LYN: variants seen among roughly 807,000 people sequenced by gnomAD.
LYN encodes the protein tyrosine-protein kinase Lyn.
Under a neutral mutation model 65.0 loss-of-function variants are expected in LYN, and 12 were observed. The observed-to-expected ratio is 0.18, with a 90% CI of 0.12 to 0.30. The LOEUF (loss-of-function observed/expected upper bound fraction) is 0.30, where lower values mean the gene tolerates loss of function less well. Among genes scored for constraint, LYN ranks in the 10% least tolerant of loss-of-function variants. The pLI is 1.00. For synonymous variants in LYN, 222 were observed against 221.2 expected (o/e 1.00, Z -0.03); for missense variants, 380 against 623.2 (o/e 0.61, Z 4.16).
intron 1 of LYN, among the ~76,000 whole-genome samples, chr8:55,914,889 C>G (rs1344091141): frequency 6.6e-6 from 1 of 152,144 alleles, no homozygotes; most frequent in Non-Finnish European, 1.5e-5. Flanking sequence ...TGATGTGTTT[C>G]AGATGGGATT....
chr8:55,973,761 T>G (rs1807672880), intron 10 of LYN, among the ~76,000 whole-genome samples: 1 of 152,218 alleles, frequency 6.6e-6, no homozygotes, highest in African/African-American at 2.4e-5. Flanking sequence ...ATGGAACAAT[T>G]GTTTGTGAGT....
At chr8:55,972,414 C>T (rs1325467259) in intron 10 of LYN, among the ~76,000 whole-genome samples, 1 of 152,040 alleles carries the variant, frequency 6.6e-6, no homozygotes, top group Non-Finnish European at 1.5e-5. Flanking sequence ...TATTATAATA[C>T]AGATAATTTG....
At chr8:55,989,246 G>A (rs1229581106) in intron 10 of LYN, among the ~76,000 whole-genome samples, 2 of 152,236 alleles carry the variant, frequency 1.3e-5, no homozygotes, top group East Asian at 1.9e-4. Flanking sequence ...AAAGATGAAT[G>A]ACCTGGATGG....
intron 10 of LYN, among the ~76,000 whole-genome samples, chr8:55,982,611 G>A (rs1807958854): frequency 6.6e-6 from 1 of 152,058 alleles, no homozygotes; most frequent in South Asian, 2.1e-4. Flanking sequence ...GTGGTCCTCG[G>A]ATCCCCGAAC....
intron 1 of LYN, among the ~76,000 whole-genome samples, chr8:55,935,395 A>G (rs1183604396): frequency 6.6e-6 from 1 of 152,240 alleles, no homozygotes; most frequent in African/African-American, 2.4e-5. Context: ...TTTGAAAATA[A>G]TGACCATGGT....
rs1808837930 is a variant in LYN, at chr8:56,012,179, C to G, written c.*2069C>G. On this transcript the variant is annotated 3_prime_UTR_variant, in exon 13 of 13. Transcript: ENST00000519728. ...CAGCATGTGTGGAAGTCACACGTTCCCTTGATGAACAGCACACACAGTCTC... is the reference window on the plus strand; with the variant it reads ...CAGCATGTGTGGAAGTCACACGTTCGCTTGATGAACAGCACACACAGTCTC... 5.4e-6 allele frequency: 1 copy of G among 184,060 alleles called. No individual in the cohort carries two copies. Among genetic ancestry groups the G allele is most frequent in the South Asian group, 2.0e-4 (1 of 5,122 alleles). 11.4% of individuals were successfully genotyped at this position (184,060 alleles called of 1,614,324 possible).
At chr8:55,972,141 T>C (rs1417264726) in intron 10 of LYN, among the ~76,000 whole-genome samples, 10 of 152,130 alleles carry the variant, frequency 6.6e-5, no homozygotes, top group Non-Finnish European at 1.5e-4. Context: ...GAACCCATAG[T>C]TCATCTGGCT....
intron 4 of LYN, among the ~76,000 whole-genome samples, chr8:55,949,212 A>C (rs1806869403): frequency 6.6e-6 from 1 of 152,218 alleles, no homozygotes; most frequent in Non-Finnish European, 1.5e-5. Flanking sequence ...TAATGCATGA[A>C]CTGTGGACCA....
chr8:55,978,898 G>T (rs1012545879), intron 10 of LYN, among the ~76,000 whole-genome samples: 1 of 152,022 alleles, frequency 6.6e-6, no homozygotes, highest in African/African-American at 2.4e-5. Context: ...GCCTGCACAG[G>T]CTCCTCCCTA....
intron 8 of LYN, among the ~76,000 whole-genome samples, chr8:55,960,745 C>A (rs537904204): frequency 6.6e-6 from 1 of 152,250 alleles, no homozygotes; most frequent in South Asian, 2.1e-4. Context: ...TTTTGTTAAA[C>A]ATAAGGAATT....
At chr8:55,886,127 A>G (rs1444510605) in intron 1 of LYN, among the ~76,000 whole-genome samples, 1 of 152,202 alleles carries the variant, frequency 6.6e-6, no homozygotes, top group Non-Finnish European at 1.5e-5. Flanking sequence ...GAAATCTTTT[A>G]ATGTTCAGGC....
intron 1 of LYN, among the ~76,000 whole-genome samples, chr8:55,934,119 A>G (rs1029609360): frequency 3.9e-5 from 6 of 152,128 alleles, no homozygotes; most frequent in Non-Finnish European, 8.8e-5. Context: ...CCAGCTACTC[A>G]GGAGGCTGAG....
rs1808773895 is a variant in LYN at position 56,010,120 on chromosome 8, A to C, written c.*10A>C. ...CCAGCAGCAGCCTTAGAGCACAGGG[A>C]GACCCGTCCATTTGGCAGGGGTGGC... On this transcript the variant is annotated 3_prime_UTR_variant, in exon 13 of 13. Transcript: ENST00000519728. The C allele has an allele frequency of 6.2e-7, 1 of 1,613,750 alleles. No homozygotes were observed.
At chr8:55,899,399 C>A (rs1805198818) in intron 1 of LYN, among the ~76,000 whole-genome samples, 1 of 152,162 alleles carries the variant, frequency 6.6e-6, no homozygotes. Context: ...TAAAAAATCA[C>A]AGTTGTAATA....
chr8:55,976,435 C>G (rs751731014), intron 10 of LYN, among the ~76,000 whole-genome samples: 20 of 152,264 alleles, frequency 1.3e-4, no homozygotes, highest in Admixed American at 7.2e-4. Context: ...GTCTCCAGCA[C>G]TTGGCTTGCT....
Position 55,903,083 on chromosome 8 carries a change from G to A in LYN, c.-6+22980G>A, listed in dbSNP as rs113359223. 5.0e-3 allele frequency among the ~76,000 whole-genome samples: 753 copies of A among 151,920 alleles called. 7 individuals carry two copies. Among genetic ancestry groups the A allele is most frequent in the African/African-American group, 0.017 (693 of 41,422 alleles). ...AGGCTGGTCTCGAACTCCTGACTTC[G>A]CGATCCGCCCACTTCAGCCTCCCAC... On this transcript the variant is annotated intron_variant, in intron 1 of 12. Coordinates refer to ENST00000519728, the MANE Select transcript of LYN (RefSeq NM_002350.4).
intron 1 of LYN, among the ~76,000 whole-genome samples, chr8:55,909,970 T>C (rs374742725): frequency 4.8e-4 from 56 of 116,310 alleles, no homozygotes; most frequent in Middle Eastern, 3.7e-3. Flanking sequence ...TTAATGGGGT[T>C]GTTTGTGTGT....
chr8:55,929,955 A>C (rs1230593243), intron 1 of LYN, among the ~76,000 whole-genome samples: 1 of 152,222 alleles, frequency 6.6e-6, no homozygotes, highest in East Asian at 1.9e-4. Flanking sequence ...GGTGAACAGC[A>C]GTTGAGCAAG....
At chr8:55,929,224 C>T (rs1806193085) in intron 1 of LYN, among the ~76,000 whole-genome samples, 1 of 152,250 alleles carries the variant, frequency 6.6e-6, no homozygotes, top group South Asian at 2.1e-4. Context: ...TCTTAGTTTC[C>T]TCATGAGAAG....
Sources: allele counts gnomAD v4.1 joint callset (sites outside exome capture counted in the v4.1 genomes callset), GRCh38; gene constraint gnomAD v4.1.1; transcripts MANE v1.5; gene names NCBI Gene and HGNC (gene_info 2026-07-23, HGNC 2026-07-21).